Variants in SCFD2 observed in about 807,000 individuals in gnomAD.
The protein encoded by SCFD2 is sec1 family domain containing 2.
Under a neutral mutation model 58.9 loss-of-function variants are expected in SCFD2, and 54 were observed. The observed-to-expected ratio is 0.92, with a 90% CI of 0.74 to 1.15. The LOEUF is 1.15. SCFD2 is among the 50% of genes most tolerant of loss of function. SCFD2 has a pLI of 0.00. For missense variants in SCFD2, 805 were observed against 836.6 expected, an observed-to-expected ratio of 0.96 and a Z score of 0.47; for synonymous variants, 321 against 335.9, an observed-to-expected ratio of 0.96 and a Z score of 0.49.
chr4:53,198,982 T>C (rs1728145003), intron 4 of SCFD2, among the ~76,000 whole-genome samples: 1 of 152,126 alleles, frequency 6.6e-6, no homozygotes, highest in African/African-American at 2.4e-5. Context: ...GCACCAGGTA[T>C]GCATTTTCCT....
intron 5 of SCFD2, among the ~76,000 whole-genome samples, chr4:52,940,434 T>A (rs1319335275): frequency 6.6e-6 from 1 of 152,176 alleles, no homozygotes; most frequent in Non-Finnish European, 1.5e-5. Context: ...TGTAGGACCA[T>A]GTGAACTAGA....
intron 4 of SCFD2, among the ~76,000 whole-genome samples, chr4:53,222,626 CA>C (rs1367100029): frequency 7.9e-5 from 1 of 12,672 alleles, no homozygotes; most frequent in Non-Finnish European, 1.5e-3. Context: ...CTCCAAATAG[CA>C]TTTTTTTTTT....
At chr4:53,060,302 G>A (rs1354060396) in intron 5 of SCFD2, among the ~76,000 whole-genome samples, 2 of 144,332 alleles carry the variant, frequency 1.4e-5, no homozygotes, top group Admixed American at 1.3e-4. Flanking sequence ...ACTGGGCTGG[G>A]GTAGGTTGGG....
intron 1 of SCFD2, among the ~76,000 whole-genome samples, chr4:53,362,180 G>A (rs1346580377): frequency 6.6e-6 from 1 of 152,120 alleles, no homozygotes; most frequent in Non-Finnish European, 1.5e-5. Context: ...CAGGAATGAT[G>A]TGAGGGAGAA....
At chr4:53,115,133 C>T (rs1387578187) in intron 5 of SCFD2, among the ~76,000 whole-genome samples, 3 of 152,026 alleles carry the variant, frequency 2.0e-5, no homozygotes, top group Non-Finnish European at 4.4e-5. Context: ...TAAATCCAAA[C>T]ATTTCAATAG....
At chr4:53,215,772 G>A (rs928505547) in intron 4 of SCFD2, among the ~76,000 whole-genome samples, 61 of 152,190 alleles carry the variant, frequency 4.0e-4, no homozygotes, top group Non-Finnish European at 6.8e-4. Flanking sequence ...GTATGATATT[G>A]GCTGTGGGTT....
At chr4:53,303,294 T>G (rs927723001) in intron 3 of SCFD2, among the ~76,000 whole-genome samples, 1 of 152,150 alleles carries the variant, frequency 6.6e-6, no homozygotes. Context: ...GGGCGAAGGA[T>G]ATGAACAGAC....
At chr4:53,072,161 TCACCTA>T (rs905292739) in intron 5 of SCFD2, among the ~76,000 whole-genome samples, 1 of 152,038 alleles carries the variant, frequency 6.6e-6, no homozygotes, top group Non-Finnish European at 1.5e-5. Flanking sequence ...CAACAGATCA[TCACCTA>T]CACCTAAGAA....
intron 5 of SCFD2, among the ~76,000 whole-genome samples, chr4:53,038,340 GAA>G (rs2148822853): frequency 6.6e-6 from 1 of 152,218 alleles, no homozygotes; most frequent in East Asian, 1.9e-4. Flanking sequence ...CATGAAGCAG[GAA>G]ATCTGCCAAA....
At chr4:53,073,222 T>C (rs1032460951) in intron 5 of SCFD2, among the ~76,000 whole-genome samples, 1 of 152,090 alleles carries the variant, frequency 6.6e-6, no homozygotes, top group African/African-American at 2.4e-5. Context: ...ATTTAAAGAA[T>C]ACAGGAGGAT....
chr4:52,915,900 CA>C (rs1719591046), intron 6 of SCFD2, among the ~76,000 whole-genome samples: 3 of 152,176 alleles, frequency 2.0e-5, no homozygotes, highest in African/African-American at 7.2e-5. Flanking sequence ...GCACTGTTGA[CA>C]AAAGAGGCCA....
intron 6 of SCFD2, 58 bp downstream of exon 6, chr4:52,920,667 A>C: frequency 7.9e-7 from 1 of 1,269,930 alleles, no homozygotes; most frequent in East Asian, 2.6e-5. Flanking sequence ...TCTTCTATAG[A>C]CTCTGAATCC....
chr4:52,993,982 G>T (rs932112223), intron 5 of SCFD2, among the ~76,000 whole-genome samples: 1 of 152,238 alleles, frequency 6.6e-6, no homozygotes, highest in African/African-American at 2.4e-5. Flanking sequence ...TTGGGCCCCA[G>T]CCCTCCTCCC....
intron 4 of SCFD2, among the ~76,000 whole-genome samples, chr4:53,235,695 C>T (rs1729577680): frequency 6.6e-6 from 1 of 152,186 alleles, no homozygotes. Flanking sequence ...TGAGATTCCC[C>T]ATTTGTCAAG....
At chr4:53,275,911 T>C (rs1277971693) in intron 3 of SCFD2, among the ~76,000 whole-genome samples, 23 of 152,296 alleles carry the variant, frequency 1.5e-4, no homozygotes, top group Middle Eastern at 6.8e-3. Flanking sequence ...GTATCATAGT[T>C]TATTTAGCCA....
intron 7 of SCFD2, among the ~76,000 whole-genome samples, chr4:52,905,534 A>G (rs1430703399): frequency 6.6e-6 from 1 of 152,178 alleles, no homozygotes; most frequent in African/African-American, 2.4e-5. Flanking sequence ...AGGCTGAGGA[A>G]TGGATCCTGA....
At chr4:53,075,598 T>C (rs2148853049) in intron 5 of SCFD2, among the ~76,000 whole-genome samples, 1 of 152,290 alleles carries the variant, frequency 6.6e-6, no homozygotes, top group South Asian at 2.1e-4. Context: ...GAGGCCACTG[T>C]AAGGCTGTTA....
At chr4:53,027,784 A>G (rs1722514763) in intron 5 of SCFD2, among the ~76,000 whole-genome samples, 1 of 152,126 alleles carries the variant, frequency 6.6e-6, no homozygotes, top group Non-Finnish European at 1.5e-5. Flanking sequence ...GCTGCATTCA[A>G]ACCACTGCAT....
chr4:52,920,752 T>A lies in SCFD2; in HGVS notation c.1680A>T (p.Val560=). 6.2e-7 allele frequency: 1 copy of A among 1,609,178 alleles called. No homozygotes were observed. Among genetic ancestry groups the A allele is most frequent in the Middle Eastern group, 1.7e-4 (1 of 6,046 alleles). Residue 560 remains valine (V), a synonymous_variant, in exon 6 of 9, where the codon GTA becomes GTT. Coordinates refer to ENST00000401642, the MANE Select transcript of SCFD2 (RefSeq NM_152540.4). The part of the protein sequence containing the change: ...ARSLLKQFKS[V]YVPGNHTHQA... Reference sequence around the variant, plus strand: ...GGTGGGTATGATTTCCAGGAACATATACAGACTTAAACTGTTTCAGGAGAC... The same window carrying A: ...GGTGGGTATGATTTCCAGGAACATAAACAGACTTAAACTGTTTCAGGAGAC...
Sources: gnomAD v4.1 joint callset for allele counts (sites outside exome capture counted in the v4.1 genomes callset) on GRCh38, gnomAD v4.1.1 for gene constraint, MANE v1.5 for transcripts, NCBI Gene and HGNC (gene_info 2026-07-23, HGNC 2026-07-21) for gene names.